The following LEMD1 variants were observed in gnomAD, a reference collection of about 807,000 sequenced individuals.
LEMD1 encodes the protein LEM domain-containing protein 1.
LEMD1 carries 18 observed loss-of-function variants against 17.4 expected under a neutral mutation model. That is an observed-to-expected ratio of 1.04 (90% CI 0.72 to 1.54). LEMD1 has a LOEUF of 1.54. Ranked by LOEUF, LEMD1 falls within the 40% of genes most tolerant of loss-of-function variation. The probability of loss-of-function intolerance (pLI) is 0.00; values close to 1 mark genes in which losing one functional copy is unlikely to be tolerated. For synonymous variants in LEMD1, 88 were observed against 77.8 expected (o/e 1.13, Z -0.69); for missense variants, 195 against 210.4 (o/e 0.93, Z 0.45).
intron 1 of LEMD1, chr1:205,436,429 C>T (rs1666204996): frequency 6.6e-6 from 1 of 152,298 alleles, no homozygotes; most frequent in Admixed American, 6.5e-5. Context: ...TCTATAGTTC[C>T]TATCCCATGG....
chr1:205,399,347 T>C (rs1369563406), intron 4 of LEMD1, among the ~76,000 whole-genome samples: 1 of 152,208 alleles, frequency 6.6e-6, no homozygotes, highest in Non-Finnish European at 1.5e-5. Flanking sequence ...GAACATTGGG[T>C]TGTTAGATTG....
chr1:205,381,589 A>T lies in LEMD1; in HGVS notation c.*69T>A. ...GGGCTGCAGGCTAGGCTGGCCCTTC[A>T]GGGTAGTGTTTTGGTTCTTTCCTGA... is the stretch of plus-strand genomic sequence containing the variant. On this transcript the variant is annotated 3_prime_UTR_variant, in exon 6 of 6. Transcript: ENST00000367153. The T allele has an allele frequency of 4.8e-6, 7 of 1,467,836 alleles. No homozygotes were observed. Among genetic ancestry groups the T allele is most frequent in the Non-Finnish European group, 6.7e-6 (7 of 1,048,322 alleles). 90.9% of individuals were successfully genotyped at this position (1,467,836 alleles called of 1,614,324 possible). A position where few individuals can be genotyped will look rare whatever the true frequency, so the allele number is the denominator to read the frequency against.
At chr1:205,445,239 C>T (rs1408936463) in intron 1 of LEMD1, among the ~76,000 whole-genome samples, 1 of 152,190 alleles carries the variant, frequency 6.6e-6, no homozygotes, top group African/African-American at 2.4e-5. Flanking sequence ...CACCCCTTCC[C>T]CCAAAGCCTA....
At position 205,381,440 on chromosome 1, in the gene LEMD1, G is replaced by A. The variant is rs1663687024; in HGVS notation, c.*218C>T. On this transcript the variant is annotated 3_prime_UTR_variant, in exon 6 of 6. Coordinates refer to ENST00000367153, the MANE Select transcript of LEMD1 (RefSeq NM_001199050.2). ...TTTAATGAGAGTTGACATGACTTGG[G>A]GGATTTCCTAACCATCATGCTCTTA... 5.2e-6 allele frequency: 3 copies of A among 579,884 alleles called. No homozygotes were observed. Among genetic ancestry groups the A allele is most frequent in the African/African-American group, 3.7e-5 (2 of 53,576 alleles). The allele number at this position is 579,884 out of a possible 1,614,324, so 35.9% of individuals were successfully genotyped here.
intron 5 of LEMD1, among the ~76,000 whole-genome samples, chr1:205,383,405 A>G (rs1558703059): frequency 6.6e-6 from 1 of 151,798 alleles, no homozygotes; most frequent in Non-Finnish European, 1.5e-5. Flanking sequence ...AACATGTGCT[A>G]TTCTGATACC....
chr1:205,443,692 A>T (rs1293846629), intron 1 of LEMD1, among the ~76,000 whole-genome samples: 1 of 152,208 alleles, frequency 6.6e-6, no homozygotes, highest in Admixed American at 6.5e-5. Flanking sequence ...CTCTTCTCTA[A>T]CAGGGTCTCT....
intron 1 of LEMD1, among the ~76,000 whole-genome samples, chr1:205,429,582 T>A (rs1271896472): frequency 6.6e-6 from 1 of 152,054 alleles, no homozygotes; most frequent in East Asian, 1.9e-4. Context: ...AGAAGAGGCA[T>A]AAAAGATGGC....
At chr1:205,399,262 C>T (rs1382500326) in intron 4 of LEMD1, among the ~76,000 whole-genome samples, 1 of 151,572 alleles carries the variant, frequency 6.6e-6, no homozygotes, top group Non-Finnish European at 1.5e-5. Context: ...CACAGTGAGG[C>T]TAATGGAATC....
At chr1:205,410,990 GAAAGA>G (rs1167992719) in intron 4 of LEMD1, among the ~76,000 whole-genome samples, 2 of 148,096 alleles carry the variant, frequency 1.4e-5, no homozygotes, top group Admixed American at 6.8e-5. Context: ...AGGAAGGAAG[GAAAGA>G]AAAGAAAAGG....
At chr1:205,392,663 G>C (rs1664398179) in intron 4 of LEMD1, among the ~76,000 whole-genome samples, 1 of 151,992 alleles carries the variant, frequency 6.6e-6, no homozygotes, top group Non-Finnish European at 1.5e-5. Flanking sequence ...CACCCAAGCT[G>C]AATGACAGAG....
At chr1:205,385,849 C>A (rs751513982) in intron 4 of LEMD1, 1 of 152,220 alleles carries the variant, frequency 6.6e-6, no homozygotes, top group Non-Finnish European at 1.5e-5. Context: ...AGCCTGCAGG[C>A]TGCAGACAGT....
intron 1 of LEMD1, among the ~76,000 whole-genome samples, chr1:205,420,947 A>G (rs1665933631): frequency 6.9e-6 from 1 of 145,572 alleles, no homozygotes; most frequent in Admixed American, 6.7e-5. Context: ...AAGAGCTGAG[A>G]GGTTTTTTTT....
At chr1:205,431,462 T>C (rs1256695011) in intron 1 of LEMD1, among the ~76,000 whole-genome samples, 1 of 152,228 alleles carries the variant, frequency 6.6e-6, no homozygotes, top group East Asian at 1.9e-4. Context: ...GATATTATTA[T>C]CTGCATTTTC....
chr1:205,404,945 T>A (rs1404357618), intron 4 of LEMD1, among the ~76,000 whole-genome samples: 5 of 152,216 alleles, frequency 3.3e-5, no homozygotes, highest in Non-Finnish European at 5.9e-5. Context: ...GTATTTTATT[T>A]CTCCTTCACT....
At chr1:205,416,164 G>A in intron 4 of LEMD1, 68 bp downstream of exon 4, 1 of 1,002,856 alleles carries the variant, frequency 1.0e-6, no homozygotes, top group South Asian at 1.5e-5. Flanking sequence ...TCTTAATACA[G>A]ATGAACAGAG....
At position 205,441,088 on chromosome 1, in the gene LEMD1, AG is replaced by A; in HGVS notation, c.-39+8779del. The A allele has an allele frequency of 6.5e-6, 1 of 152,900 alleles. No homozygotes were observed. The highest frequency in any genetic ancestry group is 1.5e-5 in the Non-Finnish European group (1 of 68,400). 9.5% of individuals were successfully genotyped at this position (152,900 alleles called of 1,614,324 possible). A position where few individuals can be genotyped will look rare whatever the true frequency, so the allele number is the denominator to read the frequency against. Reference sequence around the variant, plus strand: ...CTGCAGGGAAAGGCAGGGGAGGGAGAGGGGGCAGGAGAAAGGCAGGAAGAGA... The same window carrying A: ...CTGCAGGGAAAGGCAGGGGAGGGAGAGGGGCAGGAGAAAGGCAGGAAGAGA... On this transcript the variant is annotated intron_variant, in intron 1 of 3. Transcript: ENST00000367154. This position sits in a 1 kb window ranked among gnomAD's most constrained non-coding sequence, Gnocchi z 4.3.
At position 205,420,454 on chromosome 1, in the gene LEMD1, C is replaced by T. The variant is rs375235684; in HGVS notation, c.82+1G>A. On this transcript the variant is annotated splice_donor_variant, in intron 2 of 5. Coordinates refer to ENST00000367153, the MANE Select transcript of LEMD1 (RefSeq NM_001199050.2). LOFTEE classifies it high-confidence loss of function. ...TAATATTTGCTGCATACTGTACATA[C>T]GTAGTATTGGGCCAGGTGAAAATCC... 2.5e-5 allele frequency: 41 copies of T among 1,610,114 alleles called. No homozygotes were observed. Among genetic ancestry groups the T allele is most frequent in the East Asian group, 6.7e-5 (3 of 44,874 alleles).
intron 4 of LEMD1, among the ~76,000 whole-genome samples, chr1:205,400,849 C>CCT (rs1553393673): frequency 1.8e-5 from 2 of 111,408 alleles, no homozygotes; most frequent in South Asian, 4.6e-4. Flanking sequence ...TCCCTCCCCC[C>CCT]CCCCACCCCA....
At chr1:205,381,922 G>T (rs1394878911) in intron 5 of LEMD1, 66 bp from the exon 6 acceptor site, 2 of 1,522,736 alleles carry the variant, frequency 1.3e-6, no homozygotes, top group Non-Finnish European at 1.8e-6. Flanking sequence ...GCCCCTTAAA[G>T]TGTGTGGGTC....
Sources: allele counts gnomAD v4.1 joint callset (sites outside exome capture counted in the v4.1 genomes callset), GRCh38; gene constraint gnomAD v4.1.1; non-coding constraint Gnocchi (gnomAD v3.1); transcripts MANE v1.5; gene names NCBI Gene and HGNC (gene_info 2026-07-23, HGNC 2026-07-21).